Variants in SDHC observed in about 807,000 individuals in gnomAD.
SDHC encodes succinate dehydrogenase cytochrome b560 subunit, mitochondrial.
SDHC carries 11 observed loss-of-function variants against 22.6 expected under a neutral mutation model. That is an observed-to-expected ratio of 0.49 (90% CI 0.31 to 0.81). The LOEUF is 0.81. Ranked by LOEUF, SDHC falls within the 30% of genes least tolerant of loss-of-function variation. The pLI is 0.05. For missense variants in SDHC, 160 were observed against 212.0 expected (o/e 0.75, Z 1.52); for synonymous variants, 80 against 77.8 (o/e 1.03, Z -0.15).
At position 161,314,436 on chromosome 1, in the gene SDHC, T is replaced by G. The variant is rs1024688573; in HGVS notation, c.20+11T>G. 2 of 1,613,972 alleles carry G rather than the reference T, an allele frequency of 1.2e-6. No homozygotes were observed. Among genetic ancestry groups the G allele is most frequent in the Admixed American group, 3.3e-5 (2 of 60,020 alleles). On this transcript the variant is annotated intron_variant, in intron 1 of 5. Transcript: ENST00000367975. ...TGCGCTGTTGCTGAGGTGACTTCAG[T>G]GGGACTGGGAGTTGGTGCCTGCGGC...
chr1:161,362,214 A>G, intron 5 of SDHC, 115 bp from the exon 6 acceptor site: 8 of 1,304,670 alleles, frequency 6.1e-6, no homozygotes, highest in East Asian at 5.0e-5. Context: ...GCTTTTCTCT[A>G]GAATCATGCT....
At chr1:161,356,928 T>C in intron 5 of SDHC, 88 bp downstream of exon 5, 3 of 1,379,104 alleles carry the variant, frequency 2.2e-6, no homozygotes, top group Non-Finnish European at 2.0e-6. Flanking sequence ...GGTTTAGTGC[T>C]GTTCTTTTTT....
Position 161,362,639 on chromosome 1 carries a change from G to T in SDHC, c.*206G>T. ...TTTTCCCCTTGTTTCTAAAGATGAG[G>T]TGGCTGCAAAAACTCCCCTTTTTTG... is the stretch of plus-strand genomic sequence containing the variant. On this transcript the variant is annotated 3_prime_UTR_variant, in exon 6 of 6. Transcript: ENST00000367975. 4 of 1,556,462 alleles carry T rather than the reference G, an allele frequency of 2.6e-6. No individual in the cohort carries two copies. The highest frequency in any genetic ancestry group is 2.6e-6 in the Non-Finnish European group (3 of 1,149,932).
intron 1 of SDHC, among the ~76,000 whole-genome samples, chr1:161,318,737 G>A (rs762454940): frequency 6.6e-6 from 1 of 151,450 alleles, no homozygotes; most frequent in African/African-American, 2.4e-5. Flanking sequence ...ATTATTATAG[G>A]TACTGTGGAT....
intron 3 of SDHC, among the ~76,000 whole-genome samples, chr1:161,337,198 ACTAGACT>A (rs1204834223): frequency 5.0e-4 from 76 of 151,838 alleles, no homozygotes; most frequent in African/African-American, 1.8e-3. Context: ...GATTTTCTAT[ACTAGACT>A]CTTACCTAAT....
chr1:161,320,225 G>A (rs1042142431), intron 1 of SDHC, among the ~76,000 whole-genome samples: 2 of 152,102 alleles, frequency 1.3e-5, no homozygotes, highest in Non-Finnish European at 2.9e-5. Flanking sequence ...CATCATATGG[G>A]GGGGGTGGTG....
chr1:161,346,202 A>G (rs1401487449), intron 4 of SDHC, among the ~76,000 whole-genome samples: 1 of 151,824 alleles, frequency 6.6e-6, no homozygotes, highest in Non-Finnish European at 1.5e-5. Flanking sequence ...ATAGGTGCTT[A>G]GAAAATCTTT....
chr1:161,316,995 G>A (rs977724602), intron 1 of SDHC, among the ~76,000 whole-genome samples: 2 of 151,178 alleles, frequency 1.3e-5, no homozygotes, highest in African/African-American at 4.9e-5. Context: ...TCTTTTTTTG[G>A]GGGTCTCTTT....
chr1:161,340,819 G>A (rs1671695176), intron 4 of SDHC, among the ~76,000 whole-genome samples, 164 bp downstream of exon 4: 1 of 152,100 alleles, frequency 6.6e-6, no homozygotes, highest in African/African-American at 2.4e-5. Flanking sequence ...TTAATTATGA[G>A]TTTGCACTGT....
At chr1:161,333,637 C>T (rs1671365748) in intron 3 of SDHC, among the ~76,000 whole-genome samples, 4 of 152,080 alleles carry the variant, frequency 2.6e-5, no homozygotes, top group African/African-American at 9.7e-5. Flanking sequence ...CTCTTGACCT[C>T]ATGATCCACC....
intron 4 of SDHC, among the ~76,000 whole-genome samples, chr1:161,355,599 C>T (rs1467011932): frequency 6.6e-6 from 1 of 152,084 alleles, no homozygotes; most frequent in African/African-American, 2.4e-5. Flanking sequence ...ATTTAGGTCT[C>T]TAATTCATTT....
chr1:161,336,305 AT>A (rs1671477909), intron 3 of SDHC, among the ~76,000 whole-genome samples: 1 of 152,086 alleles, frequency 6.6e-6, no homozygotes, highest in Admixed American at 6.6e-5. Flanking sequence ...AAATACAAAA[AT>A]TAGCTGGCCG....
At chr1:161,354,858 C>T (rs955147667) in intron 4 of SDHC, among the ~76,000 whole-genome samples, 5 of 151,642 alleles carry the variant, frequency 3.3e-5, no homozygotes, top group East Asian at 1.9e-4. Flanking sequence ...TACAGGTGTG[C>T]GCCACCACAA....
At chr1:161,328,250 C>T in intron 2 of SDHC, 146 bp from the exon 3 acceptor site, 1 of 676,506 alleles carries the variant, frequency 1.5e-6, no homozygotes, top group Non-Finnish European at 2.7e-6. Flanking sequence ...GATCCGCCCG[C>T]CTCGGCCTCC....
At chr1:161,323,564 TAA>T in intron 1 of SDHC, 48 bp from the exon 2 acceptor site, 1 of 1,434,260 alleles carries the variant, frequency 7.0e-7, no homozygotes, top group Non-Finnish European at 9.8e-7. Flanking sequence ...GTTGATATAC[TAA>T]AGTTGATCTC....
At chr1:161,336,241 G>A (rs1045254614) in intron 3 of SDHC, among the ~76,000 whole-genome samples, 2 of 152,108 alleles carry the variant, frequency 1.3e-5, no homozygotes, top group Non-Finnish European at 2.9e-5. Flanking sequence ...GGTGGATCAT[G>A]AGGTCAAGAG....
At chr1:161,323,938 C>T (rs1465614935) in intron 2 of SDHC, among the ~76,000 whole-genome samples, 7 of 152,092 alleles carry the variant, frequency 4.6e-5, no homozygotes, top group East Asian at 1.9e-4. Context: ...CCTTGTGATC[C>T]GCCCGCCTCG....
At chr1:161,344,207 G>A (rs912780584) in intron 4 of SDHC, among the ~76,000 whole-genome samples, 43 of 152,280 alleles carry the variant, frequency 2.8e-4, no homozygotes, top group African/African-American at 9.9e-4. Context: ...GGAGAATGGC[G>A]TGAACCTGGG....
At chr1:161,358,075 T>G (rs1672351573) in intron 5 of SDHC, among the ~76,000 whole-genome samples, 1 of 146,524 alleles carries the variant, frequency 6.8e-6, no homozygotes, top group African/African-American at 2.5e-5. Context: ...CTTGCTCCAT[T>G]GCCCAGGCTG....
Sources: gnomAD v4.1 joint callset for allele counts (sites outside exome capture counted in the v4.1 genomes callset) on GRCh38, gnomAD v4.1.1 for gene constraint, MANE v1.5 for transcripts, NCBI Gene and HGNC (gene_info 2026-07-23, HGNC 2026-07-21) for gene names.